The following SDK2 variants were observed in gnomAD, a reference collection of about 807,000 sequenced individuals.
SDK2 encodes sidekick cell adhesion molecule 2.
SDK2 carries 105 observed loss-of-function variants against 253.9 expected under a neutral mutation model. That is an observed-to-expected ratio of 0.41 (90% CI 0.35 to 0.49). The LOEUF (loss-of-function observed/expected upper bound fraction) is 0.49. Among genes scored for constraint, SDK2 ranks in the 20% least tolerant of loss-of-function variants. The probability of loss-of-function intolerance (pLI) is 0.06; values close to 1 mark genes in which losing one functional copy is unlikely to be tolerated. For missense variants in SDK2, 2,608 were observed against 3,003.0 expected (o/e 0.87, Z 3.07); for synonymous variants, 1,249 against 1,234.9 (o/e 1.01, Z -0.24).
intron 1 of SDK2, among the ~76,000 whole-genome samples, chr17:73,623,868 C>A (rs1228639070): frequency 1.3e-5 from 2 of 152,216 alleles, no homozygotes; most frequent in Non-Finnish European, 2.9e-5. Flanking sequence ...CTGTGCTTTC[C>A]CCCTCCAGAG....
chr17:73,421,185 G>C (rs759927512), intron 15 of SDK2, among the ~76,000 whole-genome samples: 1 of 152,166 alleles, frequency 6.6e-6, no homozygotes, highest in Admixed American at 6.5e-5. Context: ...CATGGCACAC[G>C]GTAGCTGCTC....
At chr17:73,437,593 G>T in intron 8 of SDK2, 146 bp downstream of exon 8, 1 of 724,116 alleles carries the variant, frequency 1.4e-6, no homozygotes, top group Non-Finnish European at 2.5e-6. Context: ...TTGTTTCCTG[G>T]GGTGCCTGCT....
chr17:73,412,588 G>A (rs543860008), intron 18 of SDK2, among the ~76,000 whole-genome samples: 152 of 152,212 alleles, frequency 1.0e-3, no homozygotes, highest in African/African-American at 3.4e-3. Context: ...ATTAGTGTGG[G>A]CCCTAATCCA....
At chr17:73,343,725 A>C (rs2062458974) in intron 44 of SDK2, among the ~76,000 whole-genome samples, 3 of 152,210 alleles carry the variant, frequency 2.0e-5, no homozygotes, top group African/African-American at 7.2e-5. Context: ...TGGAGAAAAG[A>C]GGAAGCAAAG....
chr17:73,422,548 C>T, intron 14 of SDK2, 114 bp from the exon 15 acceptor site: 1 of 1,252,280 alleles, frequency 8.0e-7, no homozygotes, highest in East Asian at 2.3e-5. Flanking sequence ...GAGAGAGCCT[C>T]CCCAGCTTGG....
chr17:73,506,490 C>T (rs774029056), intron 2 of SDK2, among the ~76,000 whole-genome samples: 8 of 152,172 alleles, frequency 5.3e-5, no homozygotes, highest in African/African-American at 9.7e-5. Context: ...CTCTGGCCTC[C>T]GCACTCCCTA....
intron 1 of SDK2, among the ~76,000 whole-genome samples, chr17:73,569,573 TTGCTTTCAAAAGCAATCCCCA>T (rs1190931375): frequency 1.3e-5 from 2 of 149,256 alleles, no homozygotes; most frequent in African/African-American, 2.5e-5. Flanking sequence ...GGGGTGGGGA[TTGCTTTCAAAAGCAATCCCCA>T]CCCCCAACGA....
chr17:73,441,892 T>TC (rs1454591821), intron 5 of SDK2, among the ~76,000 whole-genome samples: 2 of 151,880 alleles, frequency 1.3e-5, no homozygotes, highest in Non-Finnish European at 2.9e-5. Context: ...TTTGGAGGAG[T>TC]CCCTTGGGAG....
In SDK2 at chr17:73,336,733, C is replaced by G. The variant is rs1322558683; in HGVS notation, c.*1854G>C. The stretch of plus-strand genomic sequence containing the variant: ...CTTCCTTGAACTCTGCTCACCCACC[C>G]CAACAGAGCATCATCTCTTGGGCAG... On this transcript the variant is annotated 3_prime_UTR_variant, in exon 45 of 45. Coordinates refer to ENST00000392650, the MANE Select transcript of SDK2 (RefSeq NM_001144952.2). 1 of 152,826 alleles carries G rather than the reference C, an allele frequency of 6.5e-6. No individual in the cohort carries two copies. The highest frequency in any genetic ancestry group is 1.5e-5 in the Non-Finnish European group (1 of 68,210). 9.5% of individuals were successfully genotyped at this position (152,826 alleles called of 1,614,324 possible). A position where few individuals can be genotyped will look rare whatever the true frequency, so the allele number is the denominator to read the frequency against.
chr17:73,483,242 C>A (rs977409252), intron 2 of SDK2, among the ~76,000 whole-genome samples: 2 of 151,544 alleles, frequency 1.3e-5, no homozygotes, highest in African/African-American at 2.4e-5. Flanking sequence ...TGGGAGAGAG[C>A]CGCTACATAG....
Position 73,643,533 on chromosome 17 carries a change from C to T in SDK2, c.64+492G>A, listed in dbSNP as rs1219760191. On this transcript the variant is annotated intron_variant, in intron 1 of 44. Transcript: ENST00000392650. The surrounding 1 kb of genome is among the most constrained non-coding windows in gnomAD (Gnocchi z 6.9). Reference sequence around the variant, plus strand: ...AAGCCGGGCAATTGCTCTCCCCGGGCGAGCAACCCGGCATCCAGCGCTCGC... The same window carrying T: ...AAGCCGGGCAATTGCTCTCCCCGGGTGAGCAACCCGGCATCCAGCGCTCGC... Among the ~76,000 whole-genome samples, 2 of 152,090 alleles carry T rather than the reference C, an allele frequency of 1.3e-5. No homozygotes were observed. The highest frequency in any genetic ancestry group is 4.8e-5 in the African/African-American group (2 of 41,446).
At chr17:73,623,462 G>T (rs1348612734) in intron 1 of SDK2, among the ~76,000 whole-genome samples, 1 of 152,192 alleles carries the variant, frequency 6.6e-6, no homozygotes, top group Non-Finnish European at 1.5e-5. Flanking sequence ...GAGCCCTGGG[G>T]GGAAGGAAGG....
At chr17:73,340,607 C>G (rs1304991023) in intron 44 of SDK2, among the ~76,000 whole-genome samples, 1 of 152,010 alleles carries the variant, frequency 6.6e-6, no homozygotes, top group Non-Finnish European at 1.5e-5. Flanking sequence ...TTTAGAGGCT[C>G]TGGACAGTGA....
intron 1 of SDK2, among the ~76,000 whole-genome samples, chr17:73,543,897 G>A (rs2044912531): frequency 6.6e-6 from 1 of 152,222 alleles, no homozygotes; most frequent in Non-Finnish European, 1.5e-5. Flanking sequence ...TCATCACGGG[G>A]AAGAGGCAGT....
Position 73,643,957 on chromosome 17 carries a change from T to TCCCCCCCCCCCCCC in SDK2, c.64+67_64+68insGGGGGGGGGGGGGG. The TCCCCCCCCCCCCCC allele has an allele frequency of 2.3e-5, 23 of 1,019,974 alleles. No individual in the cohort carries two copies. Among genetic ancestry groups the TCCCCCCCCCCCCCC allele is most frequent in the Admixed American group, 4.1e-5 (2 of 48,756 alleles). The allele number at this position is 1,019,974 out of a possible 1,614,324, so 63.2% of individuals were successfully genotyped here. ...GGAGGTCACCGTGAGGCCGGCCAGC[T>TCCCCCCCCCCCCCC]CCCGCCGCCCCTCCCCCGCCCACTC... is the stretch of plus-strand genomic sequence containing the variant. On this transcript the variant is annotated intron_variant, in intron 1 of 44. Coordinates refer to ENST00000392650, the MANE Select transcript of SDK2 (RefSeq NM_001144952.2). This position sits in a 1 kb window ranked among gnomAD's most constrained non-coding sequence, Gnocchi z 6.9.
Position 73,467,111 on chromosome 17 carries a change from C to A in SDK2, c.331+5001G>T, listed in dbSNP as rs752675573. On this transcript the variant is annotated intron_variant, in intron 3 of 44. Transcript: ENST00000392650. The surrounding 1 kb of genome is among the most constrained non-coding windows in gnomAD (Gnocchi z 4.1). ...TTGGTAGAGTCTACCCCACCCCACCCGCTGGCACTAGACATTCACCCTAGG... is the reference window on the plus strand; with the variant it reads ...TTGGTAGAGTCTACCCCACCCCACCAGCTGGCACTAGACATTCACCCTAGG... 6.6e-6 allele frequency among the ~76,000 whole-genome samples: 1 copy of A among 152,090 alleles called. No individual in the cohort carries two copies. The highest frequency in any genetic ancestry group is 2.4e-5 in the African/African-American group (1 of 41,420).
At chr17:73,565,126 T>C (rs547004773) in intron 1 of SDK2, among the ~76,000 whole-genome samples, 4 of 152,218 alleles carry the variant, frequency 2.6e-5, no homozygotes, top group Non-Finnish European at 5.9e-5. Flanking sequence ...CCAGTCTTAC[T>C]GGCTTAAACA....
chr17:73,608,476 C>T (rs933564744), intron 1 of SDK2, among the ~76,000 whole-genome samples: 1 of 152,200 alleles, frequency 6.6e-6, no homozygotes, highest in East Asian at 1.9e-4. Flanking sequence ...GAGTTTTGCC[C>T]TTGTCACCCA....
chr17:73,530,894 G>A (rs190707282), intron 1 of SDK2, among the ~76,000 whole-genome samples: 1 of 152,130 alleles, frequency 6.6e-6, no homozygotes, highest in South Asian at 2.1e-4. Flanking sequence ...TCTGACAAGG[G>A]GCATAAGACT....
Sources: allele counts gnomAD v4.1 joint callset (sites outside exome capture counted in the v4.1 genomes callset), GRCh38; gene constraint gnomAD v4.1.1; non-coding constraint Gnocchi (gnomAD v3.1); transcripts MANE v1.5; gene names NCBI Gene and HGNC (gene_info 2026-07-23, HGNC 2026-07-21).